Variants in PTPN13 observed in about 807,000 individuals in gnomAD.
PTPN13 encodes the protein protein tyrosine phosphatase non-receptor type 13, also known as tyrosine-protein phosphatase non-receptor type 13.
A neutral mutation model predicts 284.0 loss-of-function variants in PTPN13; 191 were observed. The observed-to-expected ratio is 0.67, with a 90% CI of 0.60 to 0.76. The LOEUF (loss-of-function observed/expected upper bound fraction) is 0.76, where lower values mean the gene tolerates loss of function less well. PTPN13 is among the 30% of genes least tolerant of loss of function. The probability of loss-of-function intolerance (pLI) is 0.00; values close to 1 mark genes in which losing one functional copy is unlikely to be tolerated. For missense variants in PTPN13, 2,797 were observed against 2,939.9 expected, an observed-to-expected ratio of 0.95 and a Z score of 1.12; for synonymous variants, 986 against 1,022.3, an observed-to-expected ratio of 0.96 and a Z score of 0.68.
intron 6 of PTPN13, among the ~76,000 whole-genome samples, chr4:86,694,014 G>A (rs1578429544): frequency 2.0e-5 from 3 of 151,288 alleles, no homozygotes; most frequent in African/African-American, 7.3e-5. Flanking sequence ...ACATGTATAT[G>A]TTTATGAACA....
chr4:86,791,695 G>A (rs897223533), intron 40 of PTPN13, among the ~76,000 whole-genome samples: 20 of 152,288 alleles, frequency 1.3e-4, no homozygotes, highest in South Asian at 8.3e-4. Context: ...TGCAGCCTCC[G>A]CTGGTGATAC....
intron 24 of PTPN13, among the ~76,000 whole-genome samples, chr4:86,763,771 G>C (rs996288877): frequency 6.6e-6 from 1 of 152,020 alleles, no homozygotes; most frequent in African/African-American, 2.4e-5. Context: ...AATTATCCAG[G>C]CAAGGTGGCA....
At chr4:86,617,061 C>T (rs1720632757) in intron 1 of PTPN13, among the ~76,000 whole-genome samples, 1 of 152,078 alleles carries the variant, frequency 6.6e-6, no homozygotes, top group Admixed American at 6.6e-5. Context: ...AGCCACGAAG[C>T]ATTGGAATTA....
At chr4:86,742,484 G>C (rs997163579) in intron 16 of PTPN13, among the ~76,000 whole-genome samples, 3 of 152,146 alleles carry the variant, frequency 2.0e-5, no homozygotes, top group African/African-American at 7.2e-5. Context: ...TGTTTTCCTA[G>C]TGCTATTCAG....
intron 3 of PTPN13, among the ~76,000 whole-genome samples, chr4:86,686,478 T>C (rs1380453898): frequency 6.6e-6 from 1 of 152,212 alleles, no homozygotes; most frequent in African/African-American, 2.4e-5. Flanking sequence ...CTAACAAAAC[T>C]GATTATGCAT....
In PTPN13 at chr4:86,638,738, C is replaced by T. The variant is rs983908669; in HGVS notation, c.115+3367C>T. ...AACCATAAAAACCCTAGAAGAAAACCCTTGGTATTACCATTCAGGACATAG... is the reference window on the plus strand; with the variant it reads ...AACCATAAAAACCCTAGAAGAAAACTCTTGGTATTACCATTCAGGACATAG... On this transcript the variant is annotated intron_variant, in intron 2 of 47. Coordinates refer to ENST00000411767, the MANE Select transcript of PTPN13 (RefSeq NM_080683.3). Among the ~76,000 whole-genome samples the T allele has an allele frequency of 3.4e-3, 514 of 152,130 alleles. 1 individual carries two copies. The highest frequency in any genetic ancestry group is 0.012 in the African/African-American group (497 of 41,488).
intron 35 of PTPN13, 122 bp downstream of exon 35, chr4:86,775,774 C>T (rs949797330): frequency 3.6e-6 from 3 of 827,130 alleles, no homozygotes; most frequent in Non-Finnish European, 5.5e-6. Context: ...ATTGGCAGGA[C>T]TTAATAAATT....
chr4:86,712,274 C>G lies in PTPN13; in HGVS notation c.1196-4256C>G, dbSNP rs1404050582. ...CCTCATTGACAATTAGATATTACCTCTCTTCAACAGACCAGAACAGAGGAA... is the reference window on the plus strand; with the variant it reads ...CCTCATTGACAATTAGATATTACCTGTCTTCAACAGACCAGAACAGAGGAA... On this transcript the variant is annotated intron_variant, in intron 7 of 47. Transcript: ENST00000411767. 3.9e-4 allele frequency among the ~76,000 whole-genome samples: 59 copies of G among 151,488 alleles called. No homozygotes were observed. The Admixed American group carries it at 3.9e-3, about 10-fold the overall frequency.
At chr4:86,637,361 G>C (rs1723146832) in intron 2 of PTPN13, among the ~76,000 whole-genome samples, 1 of 152,128 alleles carries the variant, frequency 6.6e-6, no homozygotes, top group African/African-American at 2.4e-5. Flanking sequence ...CCAAAGCCGG[G>C]AAGAGACACA....
At chr4:86,629,829 G>A (rs1166876042) in intron 1 of PTPN13, among the ~76,000 whole-genome samples, 4 of 151,736 alleles carry the variant, frequency 2.6e-5, no homozygotes, top group Admixed American at 2.0e-4. Context: ...TGCAATTATA[G>A]CATTGCAGTC....
chr4:86,607,073 T>A (rs1462853080), intron 1 of PTPN13, among the ~76,000 whole-genome samples: 3 of 151,826 alleles, frequency 2.0e-5, no homozygotes, highest in African/African-American at 7.2e-5. Flanking sequence ...TTTGATTCTG[T>A]CTCAAGATAA....
chr4:86,638,251 G>A (rs1273371512), intron 2 of PTPN13, among the ~76,000 whole-genome samples: 2 of 152,112 alleles, frequency 1.3e-5, no homozygotes, highest in African/African-American at 4.8e-5. Flanking sequence ...TGGCCATACT[G>A]CCCAAGGTAA....
intron 46 of PTPN13, 108 bp from the exon 47 acceptor site, chr4:86,810,938 A>G: frequency 1.0e-6 from 1 of 986,392 alleles, no homozygotes; most frequent in Non-Finnish European, 1.5e-6. Flanking sequence ...CCAGAAGGGG[A>G]AGAAGAGTGG....
chr4:86,781,871 G>T (rs1178169804), intron 36 of PTPN13, among the ~76,000 whole-genome samples: 1 of 151,502 alleles, frequency 6.6e-6, no homozygotes, highest in African/African-American at 2.4e-5. Flanking sequence ...GCTGAGGCAG[G>T]AGAATCGCTT....
intron 44 of PTPN13, among the ~76,000 whole-genome samples, chr4:86,806,694 A>G (rs1434753388): frequency 6.6e-6 from 1 of 152,212 alleles, no homozygotes; most frequent in Non-Finnish European, 1.5e-5. Context: ...AAAGAAGTCA[A>G]GTGAGAAGGG....
intron 5 of PTPN13, chr4:86,689,545 T>TTTCTAAAAAAA (rs1729804193): frequency 3.1e-6 from 2 of 642,510 alleles, no homozygotes; most frequent in Non-Finnish European, 5.6e-6. Flanking sequence ...TGAAAATGGG[T>TTTCTAAAAAAA]TTTAGAAATA....
intron 20 of PTPN13, among the ~76,000 whole-genome samples, chr4:86,756,554 A>G (rs1447487526): frequency 6.6e-6 from 1 of 152,136 alleles, no homozygotes; most frequent in African/African-American, 2.4e-5. Flanking sequence ...TCAAAAAGAA[A>G]CAACAGAATA....
At chr4:86,596,019 A>C (rs1413525246) in intron 1 of PTPN13, among the ~76,000 whole-genome samples, 1 of 152,186 alleles carries the variant, frequency 6.6e-6, no homozygotes, top group African/African-American at 2.4e-5. Context: ...AGCATTTGTT[A>C]GTAAATTCAT....
intron 7 of PTPN13, among the ~76,000 whole-genome samples, chr4:86,716,130 A>C (rs892768801): frequency 1.3e-5 from 2 of 152,216 alleles, no homozygotes; most frequent in African/African-American, 4.8e-5. Context: ...AAACATTGAA[A>C]AACTGTGATA....
Sources: allele counts gnomAD v4.1 joint callset (sites outside exome capture counted in the v4.1 genomes callset), GRCh38; gene constraint gnomAD v4.1.1; transcripts MANE v1.5; gene names NCBI Gene and HGNC (gene_info 2026-07-23, HGNC 2026-07-21).